Variants in COL28A1 observed in about 807,000 individuals in gnomAD.
COL28A1 encodes collagen type XXVIII alpha 1 chain.
COL28A1 carries 161 observed loss-of-function variants against 150.2 expected under a neutral mutation model. The observed-to-expected ratio is 1.07, with a 90% CI of 0.94 to 1.22. The LOEUF (loss-of-function observed/expected upper bound fraction) is 1.22. Among genes scored for constraint, COL28A1 ranks in the 50% most tolerant of loss-of-function variants. COL28A1 has a pLI of 0.00. For missense variants in COL28A1, 1,617 were observed against 1,388.3 expected, an observed-to-expected ratio of 1.16 and a Z score of -2.62; for synonymous variants, 552 against 469.7, an observed-to-expected ratio of 1.18 and a Z score of -2.26.
At chr7:7,464,399 AC>A (rs1228561687) in intron 15 of COL28A1, among the ~76,000 whole-genome samples, 3 of 152,208 alleles carry the variant, frequency 2.0e-5, no homozygotes, top group Non-Finnish European at 4.4e-5. Flanking sequence ...CCAAGATAAA[AC>A]ATATCACAGG....
At chr7:7,471,028 G>T (rs1788368026) in intron 15 of COL28A1, among the ~76,000 whole-genome samples, 1 of 142,636 alleles carries the variant, frequency 7.0e-6, no homozygotes, top group Non-Finnish European at 1.5e-5. Flanking sequence ...GAGTTAGTGG[G>T]TGCAGCGCAC....
In COL28A1 at chr7:7,477,175, G is replaced by C; in HGVS notation, c.1170C>G (p.Pro390=). The C allele has an allele frequency of 8.1e-7, 1 of 1,236,492 alleles. No individual in the cohort carries two copies. Among genetic ancestry groups the C allele is most frequent in the South Asian group, 1.2e-5 (1 of 83,668 alleles). The allele number at this position is 1,236,492 out of a possible 1,614,324, so 76.6% of individuals were successfully genotyped here. Residue 390 remains proline, a synonymous_variant, in exon 14 of 35, where the codon CCC becomes CCG. Coordinates refer to ENST00000399429, the MANE Select transcript of COL28A1 (RefSeq NM_001037763.3). ...CTCCTGGTACTCCCTCAGGACCACG[G>C]GGACCCTGGTTAGGATAGGAGAAAA... The part of the protein sequence containing the change: ...IGVGEPGQPG[P]RGPEGVPGER...
intron 27 of COL28A1, 67 bp downstream of exon 27, chr7:7,417,792 T>C (rs1018660913): frequency 1.4e-6 from 2 of 1,390,126 alleles, no homozygotes; most frequent in Non-Finnish European, 2.0e-6. Flanking sequence ...TTGCGTTATC[T>C]ACAACCTCTT....
At chr7:7,390,611 C>T (rs992627822) in intron 27 of COL28A1, among the ~76,000 whole-genome samples, 1 of 152,150 alleles carries the variant, frequency 6.6e-6, no homozygotes, top group African/African-American at 2.4e-5. Flanking sequence ...GGCTGTGAAT[C>T]TGTCTGGTCT....
At chr7:7,497,835 A>C (rs1159036503) in intron 11 of COL28A1, among the ~76,000 whole-genome samples, 2 of 152,234 alleles carry the variant, frequency 1.3e-5, no homozygotes, top group Non-Finnish European at 2.9e-5. Context: ...ATAACTGGCA[A>C]TACTGTGATC....
At chr7:7,489,509 A>C in intron 12 of COL28A1, 52 bp from the exon 13 acceptor site, 2 of 885,208 alleles carry the variant, frequency 2.3e-6, no homozygotes, top group East Asian at 4.8e-5. Flanking sequence ...ATAAAGAATA[A>C]ACATAGCGCA....
chr7:7,368,312 C>T (rs1408858665), intron 33 of COL28A1, among the ~76,000 whole-genome samples: 1 of 152,112 alleles, frequency 6.6e-6, no homozygotes, highest in Non-Finnish European at 1.5e-5. Context: ...GCCACCCACA[C>T]CCTAGGCTAC....
intron 33 of COL28A1, among the ~76,000 whole-genome samples, chr7:7,368,381 T>G (rs1583225346): frequency 1.2e-5 from 1 of 81,052 alleles, no homozygotes; most frequent in East Asian, 5.5e-4. Flanking sequence ...AGACTCCCTT[T>G]GCCTACTGTT....
chr7:7,528,171 A>G (rs1165526569), intron 3 of COL28A1, among the ~76,000 whole-genome samples: 1 of 152,182 alleles, frequency 6.6e-6, no homozygotes, highest in Non-Finnish European at 1.5e-5. Context: ...CACAACCCTT[A>G]TTTCCATAAA....
At chr7:7,437,812 A>G (rs1785451597) in intron 21 of COL28A1, among the ~76,000 whole-genome samples, 1 of 152,178 alleles carries the variant, frequency 6.6e-6, no homozygotes, top group Admixed American at 6.5e-5. Flanking sequence ...TCAATATAGC[A>G]ATTATCTTCA....
intron 11 of COL28A1, among the ~76,000 whole-genome samples, chr7:7,495,855 A>G (rs1780181815): frequency 6.6e-6 from 1 of 152,130 alleles, no homozygotes; most frequent in Non-Finnish European, 1.5e-5. Context: ...TTTTAATCTG[A>G]GTAAAACCTT....
chr7:7,432,439 A>G (rs768775144), intron 25 of COL28A1, 34 bp downstream of exon 25: 1 of 1,590,460 alleles, frequency 6.3e-7, no homozygotes, highest in Non-Finnish European at 8.6e-7. Context: ...GTGCACTCTT[A>G]GAAGCTAGTA....
intron 4 of COL28A1, among the ~76,000 whole-genome samples, chr7:7,522,932 C>T (rs906880222): frequency 9.9e-5 from 15 of 151,552 alleles, no homozygotes; most frequent in East Asian, 1.9e-4. Context: ...GCCTGTGGGC[C>T]GCGAGTTGGA....
intron 27 of COL28A1, among the ~76,000 whole-genome samples, chr7:7,410,773 C>A (rs1280156472): frequency 6.6e-6 from 1 of 152,024 alleles, no homozygotes; most frequent in East Asian, 1.9e-4. Flanking sequence ...CATTGTACAG[C>A]ATGGTTATGA....
At chr7:7,501,037 C>G (rs1390741223) in intron 11 of COL28A1, among the ~76,000 whole-genome samples, 1 of 152,152 alleles carries the variant, frequency 6.6e-6, no homozygotes, top group African/African-American at 2.4e-5. Flanking sequence ...CTGACCATAT[C>G]CATTTATTAA....
upstream of COL28A1, among the ~76,000 whole-genome samples, chr7:7,536,627 C>T (rs1782649639): frequency 6.6e-6 from 1 of 152,082 alleles, no homozygotes; most frequent in South Asian, 2.1e-4. Flanking sequence ...CCACCTGACC[C>T]CTAGACAGCT....
In COL28A1 at chr7:7,494,441, T is replaced by G. The variant is rs74680376; in HGVS notation, c.1027-3795A>C. ...CCTTGGTTCTATCATTTACTAACAA[T>G]TTTAGCTTTTGCAAGATCTCCATAT... On this transcript the variant is annotated intron_variant, in intron 11 of 34. Transcript: ENST00000399429. Among the ~76,000 whole-genome samples the G allele has an allele frequency of 5.5e-3, 836 of 152,306 alleles. 9 individuals are homozygous for G. The highest frequency in any genetic ancestry group is 0.019 in the African/African-American group (802 of 41,564).
At chr7:7,486,957 A>G (rs1310089988) in intron 13 of COL28A1, among the ~76,000 whole-genome samples, 1 of 152,202 alleles carries the variant, frequency 6.6e-6, no homozygotes, top group Admixed American at 6.5e-5. Context: ...GGCCTCATAA[A>G]TTAAGTTGAT....
the COL28A1 span, among the ~76,000 whole-genome samples, chr7:7,347,641 T>G: frequency 6.6e-6 from 1 of 152,088 alleles, no homozygotes; most frequent in Non-Finnish European, 1.5e-5. Context: ...GGGAGCCATT[T>G]CTGGGGCAAA....
Sources: gnomAD v4.1 joint callset for allele counts (sites outside exome capture counted in the v4.1 genomes callset) on GRCh38, gnomAD v4.1.1 for gene constraint, MANE v1.5 for transcripts, NCBI Gene and HGNC (gene_info 2026-07-23, HGNC 2026-07-21) for gene names.